The following ANKRD55 variants were observed in gnomAD, a reference collection of about 807,000 sequenced individuals.
ANKRD55 encodes ankyrin repeat domain 55.
A neutral mutation model predicts 60.6 loss-of-function variants in ANKRD55; 41 were observed. The observed-to-expected ratio is 0.68, with a 90% confidence interval of 0.53 to 0.88. The LOEUF (loss-of-function observed/expected upper bound fraction) is 0.88, where lower values mean the gene tolerates loss of function less well. Ranked by LOEUF, ANKRD55 falls within the 40% of genes least tolerant of loss-of-function variation. ANKRD55 has a pLI of 0.00. For missense variants in ANKRD55, 732 were observed against 767.6 expected (o/e 0.95, Z 0.55); for synonymous variants, 264 against 290.3 (o/e 0.91, Z 0.92).
intron 6 of ANKRD55, among the ~76,000 whole-genome samples, chr5:56,157,569 C>A (rs1395954619): frequency 1.3e-5 from 2 of 152,226 alleles, no homozygotes; most frequent in Non-Finnish European, 2.9e-5. Context: ...TAGGAGAAAA[C>A]CGCCTTAGGG....
At chr5:56,162,377 C>T (rs763810500) in intron 5 of ANKRD55, among the ~76,000 whole-genome samples, 28 of 152,148 alleles carry the variant, frequency 1.8e-4, no homozygotes, top group Non-Finnish European at 3.5e-4. Context: ...GGCTCCCTTG[C>T]CCTTGGCTTC....
At position 56,173,582 on chromosome 5, in the gene ANKRD55, C is replaced by CTATATATA. The variant is rs1182603115; in HGVS notation, c.312+2562_312+2569dup. On this transcript the variant is annotated intron_variant, in intron 4 of 11. Transcript: ENST00000341048. Reference sequence around the variant, plus strand: ...TCTCTCTCTCTCTCTCTCTCTCTCTCTATATATATATATATATATATATAT... The same window carrying CTATATATA: ...TCTCTCTCTCTCTCTCTCTCTCTCTCTATATATATATATATATATATATATATATATAT... 2.1e-3 allele frequency among the ~76,000 whole-genome samples: 97 copies of CTATATATA among 45,202 alleles called. 2 individuals are homozygous for CTATATATA. The highest frequency in any genetic ancestry group is 7.7e-3 in the South Asian group (5 of 648). The allele number at this position is 45,202 out of a possible 152,430, so 29.7% of individuals were successfully genotyped here.
intron 10 of ANKRD55, among the ~76,000 whole-genome samples, chr5:56,104,638 A>G (rs1392579559): frequency 6.6e-6 from 1 of 152,068 alleles, no homozygotes; most frequent in African/African-American, 2.4e-5. Context: ...ACATGATGGA[A>G]CCCGAGGTGA....
At chr5:56,124,294 T>A (rs977407684) in intron 8 of ANKRD55, among the ~76,000 whole-genome samples, 2 of 152,160 alleles carry the variant, frequency 1.3e-5, no homozygotes, top group Non-Finnish European at 2.9e-5. Flanking sequence ...CATAGACTTA[T>A]GATGTGTTTT....
At chr5:56,172,553 C>A (rs1184215826) in intron 4 of ANKRD55, among the ~76,000 whole-genome samples, 3 of 151,410 alleles carry the variant, frequency 2.0e-5, no homozygotes, top group African/African-American at 7.4e-5. Context: ...TTTCCTGGAA[C>A]TCTGTGTGTG....
chr5:56,155,840 AC>A (rs1201055174), intron 6 of ANKRD55, among the ~76,000 whole-genome samples: 1 of 105,948 alleles, frequency 9.4e-6, no homozygotes, highest in Non-Finnish European at 1.9e-5. Flanking sequence ...ACAGAATGAG[AC>A]CCTGCCTCAA....
At chr5:56,130,829 G>A (rs1027095003) in intron 7 of ANKRD55, among the ~76,000 whole-genome samples, 1 of 152,152 alleles carries the variant, frequency 6.6e-6, no homozygotes, top group Non-Finnish European at 1.5e-5. Flanking sequence ...AAAAAACACT[G>A]TAATGGAAAT....
intron 10 of ANKRD55, among the ~76,000 whole-genome samples, chr5:56,104,648 A>C (rs1373922822): frequency 6.6e-6 from 1 of 152,140 alleles, no homozygotes; most frequent in Non-Finnish European, 1.5e-5. Flanking sequence ...ACCCGAGGTG[A>C]CTGCAGGATT....
intron 2 of ANKRD55, among the ~76,000 whole-genome samples, chr5:56,215,442 A>G (rs111273602): frequency 0.021 from 3,160 of 152,038 alleles, 33 homozygotes; most frequent in Middle Eastern, 0.054. Flanking sequence ...AGCTCATTCC[A>G]AAGGGAAGCC....
At position 56,230,199 on chromosome 5, in the gene ANKRD55, G is replaced by A. The variant is rs181212298; in HGVS notation, c.58+2657C>T. Among the ~76,000 whole-genome samples, 5 of 152,164 alleles carry A rather than the reference G, an allele frequency of 3.3e-5. No individual in the cohort carries two copies. The East Asian group carries it at 5.8e-4, about 18-fold the overall frequency. On this transcript the variant is annotated intron_variant, in intron 2 of 11. Transcript: ENST00000341048. Reference sequence around the variant, plus strand: ...CAACCTCCACCTCCCAGGTTCAAGCGATTTCCTGCCTCAGCCTCCCGAGTA... The same window carrying A: ...CAACCTCCACCTCCCAGGTTCAAGCAATTTCCTGCCTCAGCCTCCCGAGTA...
At chr5:56,210,598 T>C (rs1667875948) in intron 2 of ANKRD55, among the ~76,000 whole-genome samples, 1 of 150,322 alleles carries the variant, frequency 6.7e-6, no homozygotes, top group Admixed American at 6.6e-5. Flanking sequence ...AAGTGCTTTA[T>C]ATACAGTAAA....
At chr5:56,163,147 C>G (rs1397591152) in intron 5 of ANKRD55, among the ~76,000 whole-genome samples, 3 of 152,138 alleles carry the variant, frequency 2.0e-5, no homozygotes, top group Non-Finnish European at 4.4e-5. Flanking sequence ...ATAGACAGAT[C>G]AAGGCCCTCT....
chr5:56,158,544 A>G (rs1758251180), intron 6 of ANKRD55, among the ~76,000 whole-genome samples: 1 of 152,208 alleles, frequency 6.6e-6, no homozygotes, highest in South Asian at 2.1e-4. Flanking sequence ...TCCCTCAAGA[A>G]CTTTGTTGAA....
At chr5:56,225,820 C>G (rs1400938358) in intron 2 of ANKRD55, among the ~76,000 whole-genome samples, 14 of 152,020 alleles carry the variant, frequency 9.2e-5, no homozygotes, top group Admixed American at 9.2e-4. Flanking sequence ...AACCACTGCT[C>G]AACAAAATAA....
intron 8 of ANKRD55, among the ~76,000 whole-genome samples, chr5:56,124,491 A>G (rs548144958): frequency 3.4e-4 from 52 of 152,294 alleles, no homozygotes; most frequent in African/African-American, 1.2e-3. Flanking sequence ...TTGAAAAATT[A>G]AACTATTTAT....
At chr5:56,187,395 T>C (rs1264225244) in intron 2 of ANKRD55, among the ~76,000 whole-genome samples, 1 of 152,212 alleles carries the variant, frequency 6.6e-6, no homozygotes, top group South Asian at 2.1e-4. Flanking sequence ...GACCGGGATT[T>C]AAACCCAGGC....
chr5:56,215,573 A>G (rs1449853299), intron 2 of ANKRD55, among the ~76,000 whole-genome samples: 1 of 152,160 alleles, frequency 6.6e-6, no homozygotes, highest in African/African-American at 2.4e-5. Context: ...TTCTCGTGCT[A>G]GGTGTCAGAA....
Position 56,127,147 on chromosome 5 carries a change from A to G in ANKRD55, c.613-41T>C, listed in dbSNP as rs746238079. 4.0e-6 allele frequency: 6 copies of G among 1,512,510 alleles called. No homozygotes were observed. In the Admixed American group the frequency reaches 6.2e-5, roughly 16 times the overall value. 93.7% of individuals were successfully genotyped at this position (1,512,510 alleles called of 1,614,324 possible). ...AAAGAAAGCCCATTATGTACAATCC[A>G]GTGTTCTTCTCTGTCTAGGCATGTT... On this transcript the variant is annotated intron_variant, in intron 7 of 11. Transcript: ENST00000341048.
chr5:56,139,113 CAT>C (rs1205621048), intron 7 of ANKRD55, among the ~76,000 whole-genome samples: 1 of 152,080 alleles, frequency 6.6e-6, no homozygotes, highest in Non-Finnish European at 1.5e-5. Flanking sequence ...TAATATGTGA[CAT>C]ATTTCTGCAA....
Sources: allele counts gnomAD v4.1 joint callset (sites outside exome capture counted in the v4.1 genomes callset), GRCh38; gene constraint gnomAD v4.1.1; transcripts MANE v1.5; gene names NCBI Gene and HGNC (gene_info 2026-07-23, HGNC 2026-07-21).